Variants in CDK19 observed in about 807,000 individuals in gnomAD.
The protein encoded by CDK19 is cyclin dependent kinase 19.
In CDK19, 20 loss-of-function variants were observed where a neutral mutation model predicts 68.3. The ratio of observed to expected loss-of-function variants is 0.29; its 90% CI spans 0.21 to 0.43. CDK19 has a LOEUF of 0.43. Ranked by LOEUF, CDK19 falls within the 20% of genes least tolerant of loss-of-function variation. The pLI is 1.00. For synonymous variants in CDK19, 221 were observed against 222.8 expected (o/e 0.99, Z 0.07); for missense variants, 339 against 623.5 (o/e 0.54, Z 4.86).
At chr6:110,616,730 T>A (rs1256750236) in intron 12 of CDK19, among the ~76,000 whole-genome samples, 2 of 152,048 alleles carry the variant, frequency 1.3e-5, no homozygotes, top group African/African-American at 4.8e-5. Flanking sequence ...AACTGAATAG[T>A]CACATTGGTT....
At chr6:110,759,428 A>AAAAAAAAATAT (rs1275389842) in intron 1 of CDK19, among the ~76,000 whole-genome samples, 2 of 50,908 alleles carry the variant, frequency 3.9e-5, no homozygotes, top group East Asian at 1.7e-3. Flanking sequence ...AAAAAAAAAA[A>AAAAAAAAATAT]ATATATATAT....
At chr6:110,672,242 A>G (rs1040150617) in intron 2 of CDK19, among the ~76,000 whole-genome samples, 1 of 152,126 alleles carries the variant, frequency 6.6e-6, no homozygotes, top group Non-Finnish European at 1.5e-5. Flanking sequence ...CCTATGCAAA[A>G]TATGTTCTCT....
chr6:110,751,088 A>G (rs572598476), intron 1 of CDK19, among the ~76,000 whole-genome samples: 212 of 151,430 alleles, frequency 1.4e-3, no homozygotes, highest in Admixed American at 5.1e-3. Flanking sequence ...CCCACCTTGA[A>G]CTCCCAAAGT....
intron 1 of CDK19, among the ~76,000 whole-genome samples, chr6:110,752,139 C>CTAG (rs759183645): frequency 6.6e-6 from 1 of 152,016 alleles, no homozygotes. Context: ...TTCAGCCAGC[C>CTAG]TAGTAGTAAT....
intron 2 of CDK19, among the ~76,000 whole-genome samples, chr6:110,675,087 C>T (rs1333441037): frequency 1.3e-5 from 2 of 152,146 alleles, no homozygotes; most frequent in East Asian, 3.9e-4. Context: ...AGCAAGTTAT[C>T]CAAAAGATCT....
chr6:110,637,578 C>G (rs1245998959), intron 5 of CDK19, among the ~76,000 whole-genome samples: 2 of 152,200 alleles, frequency 1.3e-5, no homozygotes, highest in African/African-American at 4.8e-5. Flanking sequence ...AATTTTGCAT[C>G]ACCTTTAGCA....
intron 1 of CDK19, among the ~76,000 whole-genome samples, chr6:110,810,729 G>A (rs972438734): frequency 2.7e-5 from 4 of 150,612 alleles, no homozygotes; most frequent in East Asian, 1.9e-4. Context: ...AGCTGAGATC[G>A]CACAATTGCA....
chr6:110,696,423 A>C (rs1018369421), intron 2 of CDK19, among the ~76,000 whole-genome samples: 3 of 152,206 alleles, frequency 2.0e-5, no homozygotes, highest in African/African-American at 4.8e-5. Flanking sequence ...AAGCATTTCC[A>C]CTGAAAACTG....
At chr6:110,713,442 A>G (rs1775116446) in intron 2 of CDK19, among the ~76,000 whole-genome samples, 1 of 147,666 alleles carries the variant, frequency 6.8e-6, no homozygotes, top group Non-Finnish European at 1.5e-5. Flanking sequence ...AAAAAAAAAA[A>G]AAAAAAAATC....
chr6:110,791,868 ACTC>A (rs1223628849), intron 1 of CDK19, among the ~76,000 whole-genome samples: 1 of 150,478 alleles, frequency 6.6e-6, no homozygotes, highest in African/African-American at 2.4e-5. Flanking sequence ...CTGATCTTGA[ACTC>A]CTGGCCTCAA....
At chr6:110,770,364 G>A (rs1443054007) in intron 1 of CDK19, among the ~76,000 whole-genome samples, 1 of 152,178 alleles carries the variant, frequency 6.6e-6, no homozygotes, top group Admixed American at 6.6e-5. Context: ...GGAGGCGAAA[G>A]GCACTTCTTA....
chr6:110,612,126 G>A lies in CDK19; in HGVS notation c.*2409C>T, dbSNP rs1485589215. On this transcript the variant is annotated 3_prime_UTR_variant, in exon 13 of 13. Transcript: ENST00000368911. The stretch of plus-strand genomic sequence containing the variant: ...AATGCTGCTTATAAAGTATTAAGGG[G>A]CATAGTATTTTGGTTTACATATCTA... 5.3e-5 allele frequency: 8 copies of A among 152,252 alleles called. No homozygotes were observed. The East Asian group carries it at 1.5e-3, about 29-fold the overall frequency. 9.4% of individuals were successfully genotyped at this position (152,252 alleles called of 1,614,324 possible). A position where few individuals can be genotyped will look rare whatever the true frequency, so the allele number is the denominator to read the frequency against.
Position 110,612,798 on chromosome 6 carries a change from G to A in CDK19, c.*1737C>T, listed in dbSNP as rs773477597. 6.6e-6 allele frequency: 1 copy of A among 152,642 alleles called. No homozygotes were observed. The highest frequency in any genetic ancestry group is 2.4e-5 in the African/African-American group (1 of 41,452). 9.5% of individuals were successfully genotyped at this position (152,642 alleles called of 1,614,324 possible). On this transcript the variant is annotated 3_prime_UTR_variant, in exon 13 of 13. Coordinates refer to ENST00000368911, the MANE Select transcript of CDK19 (RefSeq NM_015076.5). ...AACCTGCTTCATCTTCAGTCTTGAT[G>A]AGTGTCACTATGCAGACTTCATTAT...
intron 1 of CDK19, among the ~76,000 whole-genome samples, chr6:110,814,423 G>A (rs1484585879): frequency 2.6e-5 from 4 of 152,264 alleles, no homozygotes; most frequent in African/African-American, 9.6e-5. Flanking sequence ...AGGGATGGGA[G>A]GACTGCATAG....
At position 110,683,681 on chromosome 6, in the gene CDK19, T is replaced by C. The variant is rs190684753; in HGVS notation, c.205-13140A>G. On this transcript the variant is annotated intron_variant, in intron 2 of 12. Coordinates refer to ENST00000368911, the MANE Select transcript of CDK19 (RefSeq NM_015076.5). Reference sequence around the variant, plus strand: ...TGACTATGAGAGCATACCTATTCTTTTTTAGTATAAGTATTTAATCTTTTT... The same window carrying C: ...TGACTATGAGAGCATACCTATTCTTCTTTAGTATAAGTATTTAATCTTTTT... Among the ~76,000 whole-genome samples, 365 of 151,912 alleles carry C rather than the reference T, an allele frequency of 2.4e-3. 1 individual carries two copies. Among genetic ancestry groups the C allele is most frequent in the South Asian group, 4.4e-3 (21 of 4,818 alleles).
In CDK19 at chr6:110,621,298, C is replaced by T. The variant is rs1174138651; in HGVS notation, c.1183G>A (p.Ala395Thr). Residue 395 changes from alanine (A) to threonine (T), a missense_variant, in exon 12 of 13, where the codon GCG becomes ACG. By Grantham distance (58) the Ala-to-Thr change is moderately conservative (BLOSUM62 0). This residue lies in a region of CDK19 where 155 missense variants were observed against 222.7 expected (regional missense o/e 0.70). Transcript: ENST00000368911. The surrounding 1 kb of genome is among the most constrained non-coding windows in gnomAD (Gnocchi z 5.4). ...GTGCTGTTCTGCTGTGGTGGGGGCG[C>T]CTGTGGAGGGGCTGCTGCCTGCTGT... ...PPQQAAAPPQ[A>T]PPPQQNSTQT... 2 of 1,608,982 alleles carry T rather than the reference C, an allele frequency of 1.2e-6. No homozygotes were observed. Among genetic ancestry groups the T allele is most frequent in the Non-Finnish European group, 1.7e-6 (2 of 1,177,178 alleles).
In CDK19 at chr6:110,613,627, G is replaced by A. The variant is rs1012910747; in HGVS notation, c.*908C>T. On this transcript the variant is annotated 3_prime_UTR_variant, in exon 13 of 13. Transcript: ENST00000368911. ...CACACTAAAAACTTTTCCTTCAAAGGGAAGTAACACGTCTTTTGATCAAAA... is the reference window on the plus strand; with the variant it reads ...CACACTAAAAACTTTTCCTTCAAAGAGAAGTAACACGTCTTTTGATCAAAA... 1.3e-5 allele frequency: 2 copies of A among 152,446 alleles called. No homozygotes were observed. The highest frequency in any genetic ancestry group is 2.4e-5 in the African/African-American group (1 of 41,396). The allele number at this position is 152,446 out of a possible 1,614,324, so 9.4% of individuals were successfully genotyped here.
At chr6:110,642,218 T>C (rs1353022350) in intron 4 of CDK19, among the ~76,000 whole-genome samples, 1 of 151,404 alleles carries the variant, frequency 6.6e-6, no homozygotes, top group Non-Finnish European at 1.5e-5. Context: ...GGAGAATCGC[T>C]TGAACCCGGA....
chr6:110,676,425 A>C (rs568241706), intron 2 of CDK19, among the ~76,000 whole-genome samples: 1 of 152,336 alleles, frequency 6.6e-6, no homozygotes, highest in African/African-American at 2.4e-5. Context: ...AGGGTTTGAG[A>C]GGACTGACTC....
Sources: allele counts gnomAD v4.1 joint callset (sites outside exome capture counted in the v4.1 genomes callset), GRCh38; gene constraint gnomAD v4.1.1; regional missense constraint gnomAD v4.1.1; non-coding constraint Gnocchi (gnomAD v3.1); transcripts MANE v1.5; gene names NCBI Gene and HGNC (gene_info 2026-07-23, HGNC 2026-07-21).